SCN11A: variants seen among roughly 807,000 people sequenced by gnomAD.
SCN11A encodes sodium voltage-gated channel alpha subunit 11, also known as sodium channel protein type 11 subunit alpha.
In SCN11A, 122 loss-of-function variants were observed where a neutral mutation model predicts 162.2. The observed-to-expected ratio is 0.75, with a 90% confidence interval of 0.65 to 0.87. The LOEUF is 0.87. Ranked by LOEUF, SCN11A falls within the 40% of genes least tolerant of loss-of-function variation. SCN11A has a pLI of 0.00. For synonymous variants in SCN11A, 758 were observed against 751.5 expected (o/e 1.01, Z -0.14); for missense variants, 2,015 against 2,181.6 (o/e 0.92, Z 1.52).
chr3:38,892,857 TA>T (rs2065522481), intron 19 of SCN11A, among the ~76,000 whole-genome samples: 1 of 151,982 alleles, frequency 6.6e-6, no homozygotes, highest in African/African-American at 2.4e-5. Context: ...AATAAGGAAA[TA>T]ATTCAAAAAG....
At chr3:39,034,356 T>A (rs1446537252) in intron 1 of SCN11A, among the ~76,000 whole-genome samples, 1 of 152,188 alleles carries the variant, frequency 6.6e-6, no homozygotes, top group African/African-American at 2.4e-5. Context: ...AAAAATCATA[T>A]GATCATTTCA....
Position 38,900,046 on chromosome 3 carries a change from T to A in SCN11A, c.1870A>T (p.Met624Leu). The A allele has an allele frequency of 6.2e-6, 10 of 1,614,020 alleles. No individual in the cohort carries two copies. The highest frequency in any genetic ancestry group is 8.5e-6 in the Non-Finnish European group (10 of 1,179,974). Residue 624 changes from methionine (M) to leucine (L), a missense_variant, in exon 17 of 30, where the codon ATG (methionine) becomes TTG (leucine). Physicochemically the swap from Met to Leu is conservative, Grantham distance 15. Transcript: ENST00000302328. ...LVFTSIFIAEMCLKIIALDPY... is the reference protein window; with the variant it reads ...LVFTSIFIAELCLKIIALDPY... ...TCGAGCGCAATGATTTTTAGGCACA[T>A]TTCTGCTATAAAAATGCTAGTGAAA...
chr3:38,938,509 C>CATATATATATATACAT (rs2066374489), intron 7 of SCN11A, among the ~76,000 whole-genome samples: 9 of 35,526 alleles, frequency 2.5e-4, no homozygotes, highest in African/African-American at 8.2e-4. Context: ...GGAAAAATAT[C>CATATATATATATACAT]ATATATATAT....
At chr3:38,904,126 T>G (rs372804754) in intron 15 of SCN11A, 23 bp from the exon 16 acceptor site, 1 of 1,496,682 alleles carries the variant, frequency 6.7e-7, no homozygotes, top group Non-Finnish European at 9.0e-7. Context: ...GAGCGAGAGG[T>G]TGAGGAGTTA....
At chr3:38,927,134 A>G (rs560222500) in intron 7 of SCN11A, among the ~76,000 whole-genome samples, 1 of 152,304 alleles carries the variant, frequency 6.6e-6, no homozygotes, top group East Asian at 1.9e-4. Context: ...AGGCCCAGAG[A>G]TAAATTGTGA....
chr3:39,014,961 C>A (rs1259062072), intron 2 of SCN11A, among the ~76,000 whole-genome samples: 3 of 152,218 alleles, frequency 2.0e-5, no homozygotes, highest in African/African-American at 7.2e-5. Flanking sequence ...GCAGCCAAAT[C>A]AGTCTTGGTG....
chr3:38,993,557 A>G (rs1235468416), intron 2 of SCN11A, among the ~76,000 whole-genome samples: 1 of 152,250 alleles, frequency 6.6e-6, no homozygotes, highest in Non-Finnish European at 1.5e-5. Flanking sequence ...CATCAGGCCA[A>G]GAGGAACTTC....
chr3:39,042,363 A>C (rs2032068781), intron 1 of SCN11A, among the ~76,000 whole-genome samples: 1 of 152,226 alleles, frequency 6.6e-6, no homozygotes, highest in African/African-American at 2.4e-5. Flanking sequence ...AAAAATATAA[A>C]AAAGAAATCC....
Position 39,051,907 on chromosome 3 carries a change from AAC to A in SCN11A, c.-452_-451del. 7.8e-7 allele frequency: 1 copy of A among 1,276,666 alleles called. No individual in the cohort carries two copies. Among genetic ancestry groups the A allele is most frequent in the Non-Finnish European group, 1.1e-6 (1 of 895,392 alleles). 79.1% of individuals were successfully genotyped at this position (1,276,666 alleles called of 1,614,324 possible). ...ACACAGCAACTAACAGCACCGAGGA[AAC>A]ACAACAGCCTGTTTACCTTCAGCCC... On this transcript the variant is annotated 5_prime_UTR_variant, in exon 1 of 30. Coordinates refer to ENST00000302328, the MANE Select transcript of SCN11A (RefSeq NM_001349253.2).
chr3:38,995,812 T>C (rs1009184642), intron 2 of SCN11A, among the ~76,000 whole-genome samples: 1 of 145,546 alleles, frequency 6.9e-6, no homozygotes, highest in Non-Finnish European at 1.5e-5. Flanking sequence ...TATCTATCTA[T>C]CTATCTGTCT....
intron 2 of SCN11A, among the ~76,000 whole-genome samples, chr3:38,992,810 G>C (rs926917464): frequency 4.5e-4 from 68 of 152,312 alleles, no homozygotes; most frequent in African/African-American, 1.6e-3. Context: ...ATCTAATCAA[G>C]TGCTTTTTCC....
chr3:38,850,194 A>G (rs2064751733), intron 29 of SCN11A: 1 of 303,158 alleles, frequency 3.3e-6, no homozygotes, highest in Non-Finnish European at 6.0e-6. Context: ...ACCACCACAA[A>G]AACTTCTGAG....
chr3:39,036,188 G>T (rs1017643394), intron 1 of SCN11A, among the ~76,000 whole-genome samples: 12 of 151,980 alleles, frequency 7.9e-5, no homozygotes, highest in Non-Finnish European at 1.6e-4. Flanking sequence ...CCGTAGCCCA[G>T]GCTGGAGTGC....
rs1322396428 is a variant in SCN11A, at chr3:38,850,532, T to C, written c.4276A>G (p.Thr1426Ala). The C allele has an allele frequency of 1.9e-6, 3 of 1,613,922 alleles. No individual in the cohort carries two copies. Among genetic ancestry groups the C allele is most frequent in the Admixed American group, 1.7e-5 (1 of 60,010 alleles). Residue 1426 changes from threonine to alanine, a missense_variant, in exon 29 of 30, where the codon ACC becomes GCC. Physicochemically the swap from Thr to Ala is moderately conservative, Grantham distance 58 (BLOSUM62 0). Coordinates refer to ENST00000302328, the MANE Select transcript of SCN11A (RefSeq NM_001349253.2). ...KIFALRQYYF[T>A]NGWNLFDCVV... ...CAGTCAAATAAATTCCAGCCATTGGTGAAGTAGTATTGCCTCAAAGCAAAG... is the reference window on the plus strand; with the variant it reads ...CAGTCAAATAAATTCCAGCCATTGGCGAAGTAGTATTGCCTCAAAGCAAAG...
intron 22 of SCN11A, among the ~76,000 whole-genome samples, chr3:38,882,306 T>A (rs546859618): frequency 2.6e-5 from 4 of 152,184 alleles, no homozygotes; most frequent in Admixed American, 1.3e-4. Context: ...AGACATTTCC[T>A]TGTCTTTTTC....
intron 2 of SCN11A, among the ~76,000 whole-genome samples, chr3:39,005,504 CGTG>C (rs1388533842): frequency 2.6e-5 from 4 of 152,192 alleles, no homozygotes; most frequent in African/African-American, 9.7e-5. Context: ...TCTCCTACCA[CGTG>C]TGAAAGTGTT....
intron 20 of SCN11A, among the ~76,000 whole-genome samples, chr3:38,885,801 C>A (rs904736024): frequency 3.3e-5 from 5 of 152,208 alleles, no homozygotes; most frequent in African/African-American, 1.2e-4. Context: ...GTTCTTATTT[C>A]TTTGGCCCTC....
In SCN11A at chr3:38,906,896, A is replaced by G. The variant is rs534472539; in HGVS notation, c.1473+1053T>C. ...AGCCTTGTGCCACCCACCCTCCCCCAGCCTCATCACACATGTGCATGCATG... is the reference window on the plus strand; with the variant it reads ...AGCCTTGTGCCACCCACCCTCCCCCGGCCTCATCACACATGTGCATGCATG... On this transcript the variant is annotated intron_variant, in intron 14 of 29. Transcript: ENST00000302328. 5.3e-5 allele frequency among the ~76,000 whole-genome samples: 8 copies of G among 151,778 alleles called. No individual in the cohort carries two copies. In the South Asian group the frequency reaches 1.7e-3, roughly 32 times the overall value.
intron 1 of SCN11A, among the ~76,000 whole-genome samples, chr3:39,041,742 A>G (rs2032052743): frequency 6.6e-6 from 1 of 152,238 alleles, no homozygotes. Flanking sequence ...AACCACCATC[A>G]TGAAAACACA....
Sources: gnomAD v4.1 joint callset for allele counts (sites outside exome capture counted in the v4.1 genomes callset) on GRCh38, gnomAD v4.1.1 for gene constraint, MANE v1.5 for transcripts, NCBI Gene and HGNC (gene_info 2026-07-23, HGNC 2026-07-21) for gene names.